SOX6: variants seen among roughly 807,000 people sequenced by gnomAD.
The protein encoded by SOX6 is transcription factor SOX-6.
SOX6 carries 11 observed loss-of-function variants against 97.8 expected under a neutral mutation model. The ratio of observed to expected loss-of-function variants is 0.11; its 90% CI spans 0.07 to 0.19. SOX6 has a LOEUF of 0.19. SOX6 is among the 10% of genes least tolerant of loss of function. SOX6 has a pLI of 1.00. For synonymous variants in SOX6, 360 were observed against 371.4 expected (o/e 0.97, Z 0.35); for missense variants, 810 against 1,039.5 (o/e 0.78, Z 3.04).
intron 4 of SOX6, among the ~76,000 whole-genome samples, chr11:16,202,631 G>A (rs1022787614): frequency 6.6e-6 from 1 of 151,986 alleles, no homozygotes; most frequent in Non-Finnish European, 1.5e-5. Context: ...CCAATCATAT[G>A]AGCAGGAACA....
chr11:16,119,700 T>C (rs1389684565), intron 6 of SOX6, among the ~76,000 whole-genome samples: 1 of 152,184 alleles, frequency 6.6e-6, no homozygotes, highest in Non-Finnish European at 1.5e-5. Flanking sequence ...CCAATTTTCA[T>C]AGGGTAGAAT....
At chr11:16,215,388 AC>A (rs1213379944) in intron 4 of SOX6, among the ~76,000 whole-genome samples, 2 of 152,208 alleles carry the variant, frequency 1.3e-5, no homozygotes, top group African/African-American at 4.8e-5. Flanking sequence ...AATTAACCAC[AC>A]CACAATTTGT....
chr11:16,458,294 C>G (rs1859849605), intron 1 of SOX6, among the ~76,000 whole-genome samples: 1 of 151,978 alleles, frequency 6.6e-6, no homozygotes, highest in African/African-American at 2.4e-5. Context: ...AGATATTTCT[C>G]TAAGAGCTTA....
At chr11:16,024,183 T>G (rs1855150615) in intron 12 of SOX6, among the ~76,000 whole-genome samples, 1 of 152,118 alleles carries the variant, frequency 6.6e-6, no homozygotes, top group African/African-American at 2.4e-5. Flanking sequence ...CAAGACAGCC[T>G]CTATCTACAA....
At chr11:16,271,496 T>C (rs1291521582) in intron 3 of SOX6, among the ~76,000 whole-genome samples, 1 of 151,478 alleles carries the variant, frequency 6.6e-6, no homozygotes, top group East Asian at 1.9e-4. Context: ...CTGGGCCTAG[T>C]GCTTTAAGAG....
At chr11:16,097,730 GGGAATTGCAGCAGACA>G in intron 7 of SOX6, 42 bp from the exon 8 acceptor site, 1 of 1,543,026 alleles carries the variant, frequency 6.5e-7, no homozygotes, top group Non-Finnish European at 9.0e-7. Flanking sequence ...ACAATGCACA[GGGAATTGCAGCAGACA>G]AGTACAAACA....
intron 6 of SOX6, among the ~76,000 whole-genome samples, chr11:16,167,035 G>A (rs1383775329): frequency 1.3e-5 from 2 of 152,114 alleles, no homozygotes; most frequent in East Asian, 3.9e-4. Flanking sequence ...GTCCTTATCT[G>A]TCCTCTGAAT....
intron 1 of SOX6, among the ~76,000 whole-genome samples, chr11:16,458,488 A>T (rs1435805223): frequency 6.6e-6 from 1 of 152,120 alleles, no homozygotes; most frequent in Non-Finnish European, 1.5e-5. Context: ...TTGGGAAATA[A>T]GTAGTTCAGG....
intron 4 of SOX6, among the ~76,000 whole-genome samples, chr11:16,191,658 G>C (rs1176751099): frequency 6.6e-6 from 1 of 152,056 alleles, no homozygotes; most frequent in East Asian, 1.9e-4. Flanking sequence ...ATAGTCTTCT[G>C]CCCAGCTCCC....
intron 3 of SOX6, among the ~76,000 whole-genome samples, chr11:16,254,473 T>C (rs1853621302): frequency 6.6e-6 from 1 of 152,036 alleles, no homozygotes; most frequent in South Asian, 2.1e-4. Context: ...ACAGCAGTAA[T>C]ACAAGGGATG....
chr11:16,184,699 C>T (rs962953167), intron 5 of SOX6, among the ~76,000 whole-genome samples: 1 of 152,170 alleles, frequency 6.6e-6, no homozygotes, highest in African/African-American at 2.4e-5. Flanking sequence ...GCAAGCCCTA[C>T]TGATGACTGT....
At chr11:16,233,183 A>G (rs908207802) in intron 4 of SOX6, among the ~76,000 whole-genome samples, 3 of 152,162 alleles carry the variant, frequency 2.0e-5, no homozygotes, top group East Asian at 1.9e-4. Context: ...AGATTCACCT[A>G]AAGTTGTTGG....
chr11:16,583,595 A>ATATGTGTATATATATATATG (rs1848051455), intron 4 of SOX6, among the ~76,000 whole-genome samples: 2 of 52,106 alleles, frequency 3.8e-5, no homozygotes, highest in South Asian at 2.5e-3. Flanking sequence ...ATATATATGT[A>ATATGTGTATATATATATATG]TATATGTGTA....
intron 6 of SOX6, among the ~76,000 whole-genome samples, chr11:16,174,872 A>G (rs1243012302): frequency 6.6e-6 from 1 of 152,032 alleles, no homozygotes; most frequent in Non-Finnish European, 1.5e-5. Flanking sequence ...TGAATCTAAT[A>G]GCAAAGCCCA....
chr11:16,427,986 C>T (rs1054106073), intron 1 of SOX6, among the ~76,000 whole-genome samples: 2 of 152,138 alleles, frequency 1.3e-5, no homozygotes, highest in Non-Finnish European at 2.9e-5. Flanking sequence ...TCCTCTCCAG[C>T]ACCTGTTGTT....
At chr11:16,544,736 A>G (rs1225315027) in intron 4 of SOX6, among the ~76,000 whole-genome samples, 1 of 152,128 alleles carries the variant, frequency 6.6e-6, no homozygotes, top group African/African-American at 2.4e-5. Context: ...TTTTTAATGT[A>G]CAGTCTTGCA....
At chr11:16,009,375 A>G (rs1396748196) in intron 13 of SOX6, among the ~76,000 whole-genome samples, 1 of 152,056 alleles carries the variant, frequency 6.6e-6, no homozygotes, top group Non-Finnish European at 1.5e-5. Flanking sequence ...AATTTAGGGG[A>G]AGAAAATGAC....
chr11:16,484,698 C>T, intron 4 of SOX6: 1 of 592,042 alleles, frequency 1.7e-6, no homozygotes, highest in South Asian at 1.9e-5. Flanking sequence ...AGACTCCCAC[C>T]CAGAACCGTG....
chr11:16,548,530 T>C (rs1284606189), intron 4 of SOX6, among the ~76,000 whole-genome samples: 6 of 152,054 alleles, frequency 3.9e-5, no homozygotes, highest in Admixed American at 3.9e-4. Flanking sequence ...TAGAAGAAAA[T>C]GTATGAGAAA....
Sources: gnomAD v4.1 joint callset for allele counts (sites outside exome capture counted in the v4.1 genomes callset) on GRCh38, gnomAD v4.1.1 for gene constraint, MANE v1.5 for transcripts, NCBI Gene and HGNC (gene_info 2026-07-23, HGNC 2026-07-21) for gene names.